Variants in DERA observed in about 807,000 individuals in gnomAD.
DERA encodes 2-deoxy-D-ribose 5-phosphate aldolase.
In DERA, 15 loss-of-function variants were observed where a neutral mutation model predicts 41.1. The ratio of observed to expected loss-of-function variants is 0.37; its 90% CI spans 0.24 to 0.56. The LOEUF (loss-of-function observed/expected upper bound fraction) is 0.56, where lower values mean the gene tolerates loss of function less well. Ranked by LOEUF, DERA falls within the 20% of genes least tolerant of loss-of-function variation. The pLI, the probability that DERA is intolerant of heterozygous loss-of-function variation, is 0.81. For missense variants in DERA, 396 were observed against 403.4 expected (o/e 0.98, Z 0.16); for synonymous variants, 139 against 137.4 (o/e 1.01, Z -0.08).
rs1273597568 is a variant in DERA, at chr12:15,931,531, C to T, written c.31+20117C>T. ...TGACAAAACTGTCATCAGAAGTTTT[C>T]CCAGAGTACATTAAGTTGAAAAACT... On this transcript the variant is annotated intron_variant, in intron 1 of 8. Transcript: ENST00000428559. The surrounding 1 kb of genome is among the most constrained non-coding windows in gnomAD (Gnocchi z 4.6). 6.6e-6 allele frequency among the ~76,000 whole-genome samples: 1 copy of T among 152,134 alleles called. No individual in the cohort carries two copies. The highest frequency in any genetic ancestry group is 1.9e-4 in the East Asian group (1 of 5,198).
chr12:15,936,941 C>CCG lies in DERA; in HGVS notation c.32-19995_32-19994insCG, dbSNP rs1565588740. On this transcript the variant is annotated intron_variant, in intron 1 of 8. Coordinates refer to ENST00000428559, the MANE Select transcript of DERA (RefSeq NM_015954.4). This position sits in a 1 kb window ranked among gnomAD's most constrained non-coding sequence, Gnocchi z 4.6. ...CTGTCCTGTCCTGTCCTGTCTTGTC[C>CCG]TGTCCCGTCCTGTCCTGCCCTGCCC... is the stretch of plus-strand genomic sequence containing the variant. Among the ~76,000 whole-genome samples the CCG allele has an allele frequency of 5.1e-4, 71 of 140,398 alleles. No homozygotes were observed. Among genetic ancestry groups the CCG allele is most frequent in the African/African-American group, 1.8e-3 (64 of 35,178 alleles). The allele number at this position is 140,398 out of a possible 152,430, so 92.1% of individuals were successfully genotyped here.
chr12:15,978,742 T>C (rs1283381470), intron 5 of DERA, among the ~76,000 whole-genome samples: 1 of 152,208 alleles, frequency 6.6e-6, no homozygotes, highest in Non-Finnish European at 1.5e-5. Context: ...ACATAGATCA[T>C]GGTGTCCTCT....
At chr12:15,953,035 C>T (rs1367544037) in intron 1 of DERA, among the ~76,000 whole-genome samples, 1 of 152,146 alleles carries the variant, frequency 6.6e-6, no homozygotes, top group African/African-American at 2.4e-5. Context: ...TATCCTTGGC[C>T]TCTACCCACT....
At position 16,009,984 on chromosome 12, in the gene DERA, A is replaced by C. The variant is rs1357460149; in HGVS notation, c.638-22558A>C. On this transcript the variant is annotated intron_variant, in intron 6 of 8. Transcript: ENST00000428559. The surrounding 1 kb of genome is among the most constrained non-coding windows in gnomAD (Gnocchi z 5.3). ...TTTAAATCAGACCTATTAGTTTTGTAATAGGAAGTTCTGTGAGAGACAGAT... is the reference window on the plus strand; with the variant it reads ...TTTAAATCAGACCTATTAGTTTTGTCATAGGAAGTTCTGTGAGAGACAGAT... Among the ~76,000 whole-genome samples, 2 of 152,230 alleles carry C rather than the reference A, an allele frequency of 1.3e-5. No individual in the cohort carries two copies. The highest frequency in any genetic ancestry group is 4.8e-5 in the African/African-American group (2 of 41,450).
At chr12:15,956,902 T>C (rs754384751) in intron 1 of DERA, 34 bp from the exon 2 acceptor site, 1 of 1,465,736 alleles carries the variant, frequency 6.8e-7, no homozygotes, top group Non-Finnish European at 9.6e-7. Context: ...AATGAAACTT[T>C]AGGTTTCAGA....
chr12:16,026,823 C>A lies in DERA; in HGVS notation c.638-5719C>A, dbSNP rs1398261316. Among the ~76,000 whole-genome samples the A allele has an allele frequency of 6.6e-6, 1 of 151,970 alleles. No homozygotes were observed. The highest frequency in any genetic ancestry group is 2.4e-5 in the African/African-American group (1 of 41,396). ...TTCTGTGAGACAATTACTCCAAAACCATTACTCCAAAACCAGATAAAGACA... is the reference window on the plus strand; with the variant it reads ...TTCTGTGAGACAATTACTCCAAAACAATTACTCCAAAACCAGATAAAGACA... On this transcript the variant is annotated intron_variant, in intron 6 of 8. Coordinates refer to ENST00000428559, the MANE Select transcript of DERA (RefSeq NM_015954.4). The surrounding 1 kb of genome is among the most constrained non-coding windows in gnomAD (Gnocchi z 4.4).
In DERA at chr12:15,989,906, A is replaced by T. The variant is rs376955083; in HGVS notation, c.637+7470A>T. 3.2e-4 allele frequency among the ~76,000 whole-genome samples: 49 copies of T among 152,332 alleles called. No individual in the cohort carries two copies. The highest frequency in any genetic ancestry group is 1.2e-3 in the African/African-American group (49 of 41,586). On this transcript the variant is annotated intron_variant, in intron 6 of 8. Coordinates refer to ENST00000428559, the MANE Select transcript of DERA (RefSeq NM_015954.4). The surrounding 1 kb of genome is among the most constrained non-coding windows in gnomAD (Gnocchi z 5.2). ...GATTATTGGTTTAATCTTGTTTAGA[A>T]ATCTTTCAAAATGTTTTAGAGCAAG...
intron 3 of DERA, 81 bp downstream of exon 3, chr12:15,958,416 C>A: frequency 2.6e-6 from 3 of 1,136,342 alleles, no homozygotes; most frequent in South Asian, 2.1e-5. Flanking sequence ...TAAGATACAG[C>A]TGCTAATGAT....
chr12:16,028,581 A>G (rs1192805461), intron 6 of DERA, among the ~76,000 whole-genome samples: 3 of 152,186 alleles, frequency 2.0e-5, no homozygotes, highest in South Asian at 2.1e-4. Flanking sequence ...AAAATGGGGG[A>G]AAAAGATTAG....
intron 6 of DERA, among the ~76,000 whole-genome samples, chr12:16,023,094 C>G (rs1448940640): frequency 1.3e-5 from 2 of 152,162 alleles, no homozygotes; most frequent in Admixed American, 6.5e-5. Flanking sequence ...GTGACAGTTA[C>G]AGCCCAGGGA....
At position 15,995,700 on chromosome 12, in the gene DERA, T is replaced by C. The variant is rs1948832283; in HGVS notation, c.637+13264T>C. Among the ~76,000 whole-genome samples, 1 of 152,082 alleles carries C rather than the reference T, an allele frequency of 6.6e-6. No individual in the cohort carries two copies. The highest frequency in any genetic ancestry group is 2.4e-5 in the African/African-American group (1 of 41,410). Reference sequence around the variant, plus strand: ...GGGGTATGGGAGAATGGAAGTGGTATCAGAATATTTAGAGGGAAGTCACAG... The same window carrying C: ...GGGGTATGGGAGAATGGAAGTGGTACCAGAATATTTAGAGGGAAGTCACAG... On this transcript the variant is annotated intron_variant, in intron 6 of 8. Coordinates refer to ENST00000428559, the MANE Select transcript of DERA (RefSeq NM_015954.4). This position sits in a 1 kb window ranked among gnomAD's most constrained non-coding sequence, Gnocchi z 5.1.
rs966851489 is a variant in DERA at position 16,000,740 on chromosome 12, C to T, written c.637+18304C>T. Among the ~76,000 whole-genome samples, 2 of 152,162 alleles carry T rather than the reference C, an allele frequency of 1.3e-5. No homozygotes were observed. The highest frequency in any genetic ancestry group is 4.8e-5 in the African/African-American group (2 of 41,436). On this transcript the variant is annotated intron_variant, in intron 6 of 8. Transcript: ENST00000428559. The surrounding 1 kb of genome is among the most constrained non-coding windows in gnomAD (Gnocchi z 4.8). Reference sequence around the variant, plus strand: ...TGCTATCACACTGGCTTGATATTAACATTCTAGTGAATAATTAAAATATTC... The same window carrying T: ...TGCTATCACACTGGCTTGATATTAATATTCTAGTGAATAATTAAAATATTC...
rs1332766922 is a variant in DERA, at chr12:15,928,159, CTT to C, written c.31+16746_31+16747del. Among the ~76,000 whole-genome samples, 1 of 152,214 alleles carries C rather than the reference CTT, an allele frequency of 6.6e-6. No individual in the cohort carries two copies. ...GTTGAGAATGTCTGAAATTTACTCT[CTT>C]AGCCGTTTTGAAACATACATGAGTA... is the stretch of plus-strand genomic sequence containing the variant. On this transcript the variant is annotated intron_variant, in intron 1 of 8. Transcript: ENST00000428559. This position sits in a 1 kb window ranked among gnomAD's most constrained non-coding sequence, Gnocchi z 4.6.
At chr12:15,929,148 A>G (rs1439860749) in intron 1 of DERA, among the ~76,000 whole-genome samples, 1 of 152,234 alleles carries the variant, frequency 6.6e-6, no homozygotes, top group Non-Finnish European at 1.5e-5. Flanking sequence ...TCCAGGCCAC[A>G]GTGATCGCAG....
intron 1 of DERA, among the ~76,000 whole-genome samples, chr12:15,923,869 AC>A (rs1235146449): frequency 6.6e-6 from 1 of 151,954 alleles, no homozygotes; most frequent in Non-Finnish European, 1.5e-5. Flanking sequence ...ATTTGGTTAA[AC>A]TTTTTCTTGT....
Position 15,936,886 on chromosome 12 carries a change from T to C in DERA, c.32-20050T>C, listed in dbSNP as rs112621758. On this transcript the variant is annotated intron_variant, in intron 1 of 8. Coordinates refer to ENST00000428559, the MANE Select transcript of DERA (RefSeq NM_015954.4). This position sits in a 1 kb window ranked among gnomAD's most constrained non-coding sequence, Gnocchi z 4.6. ...TTGTCTTGTCTTGTCTTGTCTTGTCTTGTCCTGTCCTGTCCTGTCCTGTCC... is the reference window on the plus strand; with the variant it reads ...TTGTCTTGTCTTGTCTTGTCTTGTCCTGTCCTGTCCTGTCCTGTCCTGTCC... Among the ~76,000 whole-genome samples, 2,214 of 136,794 alleles carry C rather than the reference T, an allele frequency of 0.016. 88 individuals are homozygous for C. Among genetic ancestry groups the C allele is most frequent in the African/African-American group, 0.067 (2,074 of 31,140 alleles). The allele number at this position is 136,794 out of a possible 152,430, so 89.7% of individuals were successfully genotyped here.
intron 1 of DERA, among the ~76,000 whole-genome samples, chr12:15,914,888 G>A (rs1026845317): frequency 8.5e-5 from 13 of 152,136 alleles, no homozygotes; most frequent in Non-Finnish European, 1.6e-4. Context: ...CAATCCTCCT[G>A]CCTCAGCCTC....
intron 5 of DERA, among the ~76,000 whole-genome samples, chr12:15,977,159 T>G (rs1354532455): frequency 6.6e-6 from 1 of 152,228 alleles, no homozygotes; most frequent in East Asian, 1.9e-4. Context: ...CCTAGGATTC[T>G]AATGCCCATC....
At position 15,935,610 on chromosome 12, in the gene DERA, G is replaced by T. The variant is rs1391153206; in HGVS notation, c.32-21326G>T. Among the ~76,000 whole-genome samples, 1 of 152,028 alleles carries T rather than the reference G, an allele frequency of 6.6e-6. No individual in the cohort carries two copies. Among genetic ancestry groups the T allele is most frequent in the Non-Finnish European group, 1.5e-5 (1 of 68,002 alleles). On this transcript the variant is annotated intron_variant, in intron 1 of 8. Coordinates refer to ENST00000428559, the MANE Select transcript of DERA (RefSeq NM_015954.4). The surrounding 1 kb of genome is among the most constrained non-coding windows in gnomAD (Gnocchi z 4.8). ...TTGATTTATTTATTTTTATTAGTGG[G>T]ATTTTAAATATTTACATTTTAAAGT... is the stretch of plus-strand genomic sequence containing the variant.
Sources: allele counts gnomAD v4.1 joint callset (sites outside exome capture counted in the v4.1 genomes callset), GRCh38; gene constraint gnomAD v4.1.1; non-coding constraint Gnocchi (gnomAD v3.1); transcripts MANE v1.5; gene names NCBI Gene and HGNC (gene_info 2026-07-23, HGNC 2026-07-21).